KIAA1549L: variants seen among roughly 807,000 people sequenced by gnomAD.
KIAA1549L encodes the protein UPF0606 protein KIAA1549L.
A neutral mutation model predicts 160.7 loss-of-function variants in KIAA1549L; 88 were observed. That is an observed-to-expected ratio of 0.55 (90% CI 0.46 to 0.65). The LOEUF (loss-of-function observed/expected upper bound fraction) is 0.65. KIAA1549L is among the 30% of genes least tolerant of loss of function. The pLI, the probability that KIAA1549L is intolerant of heterozygous loss-of-function variation, is 0.00. For synonymous variants in KIAA1549L, 950 were observed against 976.7 expected, an observed-to-expected ratio of 0.97 and a Z score of 0.51; for missense variants, 2,258 against 2,437.5, an observed-to-expected ratio of 0.93 and a Z score of 1.55.
chr11:33,651,550 A>G (rs1851885708), intron 17 of KIAA1549L, among the ~76,000 whole-genome samples: 1 of 152,100 alleles, frequency 6.6e-6, no homozygotes, highest in Non-Finnish European at 1.5e-5. Context: ...TGGAGGAAAA[A>G]TGACTACGAT....
intron 14 of KIAA1549L, among the ~76,000 whole-genome samples, chr11:33,609,351 A>T (rs952535490): frequency 6.6e-6 from 1 of 152,262 alleles, no homozygotes; most frequent in African/African-American, 2.4e-5. Context: ...AGCGAAGGCC[A>T]CTGGGTTCCC....
intron 1 of KIAA1549L, among the ~76,000 whole-genome samples, chr11:33,429,125 C>G (rs1185426796): frequency 1.3e-5 from 2 of 152,186 alleles, no homozygotes; most frequent in African/African-American, 4.8e-5. Context: ...GCACCCACCA[C>G]TACCCGCTGC....
At chr11:33,551,293 T>C (rs117186039) in intron 5 of KIAA1549L, 34 bp downstream of exon 5, 347 of 1,579,462 alleles carry the variant, frequency 2.2e-4, no homozygotes, top group Non-Finnish European at 2.9e-4. Context: ...TTTTCATCCA[T>C]TCTTGGGTTC....
At chr11:33,602,833 G>A (rs902864090) in intron 13 of KIAA1549L, among the ~76,000 whole-genome samples, 2 of 152,164 alleles carry the variant, frequency 1.3e-5, no homozygotes, top group Non-Finnish European at 2.9e-5. Context: ...TTAGGGGAAG[G>A]ATAACTAATT....
intron 1 of KIAA1549L, among the ~76,000 whole-genome samples, chr11:33,481,938 GCCT>G (rs1239874392): frequency 6.6e-6 from 1 of 152,148 alleles, no homozygotes; most frequent in Non-Finnish European, 1.5e-5. Context: ...TTCTCCTTCT[GCCT>G]CCTCTTTCTC....
chr11:33,495,814 C>T (rs1374510144), intron 1 of KIAA1549L, among the ~76,000 whole-genome samples: 2 of 151,698 alleles, frequency 1.3e-5, no homozygotes, highest in Non-Finnish European at 2.9e-5. Context: ...TTAATGATTG[C>T]CATTCTAACT....
At chr11:33,441,509 T>C (rs1264701444) in intron 1 of KIAA1549L, among the ~76,000 whole-genome samples, 14 of 151,388 alleles carry the variant, frequency 9.2e-5, no homozygotes, top group Admixed American at 9.2e-4. Context: ...ACTTCCACAA[T>C]GGTTGAACTA....
chr11:33,493,306 C>A (rs574123382), intron 1 of KIAA1549L, among the ~76,000 whole-genome samples: 13 of 152,310 alleles, frequency 8.5e-5, no homozygotes, highest in Admixed American at 2.6e-4. Context: ...TCTCTTGCCC[C>A]CTTCTTCCAT....
chr11:33,598,998 C>G, intron 13 of KIAA1549L, 51 bp downstream of exon 13: 1 of 1,603,140 alleles, frequency 6.2e-7, no homozygotes, highest in Non-Finnish European at 8.5e-7. Context: ...CACGCGTGCC[C>G]GCACACACAT....
chr11:33,451,911 T>G (rs541962159), intron 1 of KIAA1549L, among the ~76,000 whole-genome samples: 85 of 152,292 alleles, frequency 5.6e-4, no homozygotes, highest in African/African-American at 1.9e-3. Context: ...TGCTTACATA[T>G]AGTCACCTCA....
intron 1 of KIAA1549L, among the ~76,000 whole-genome samples, chr11:33,410,300 T>C (rs1295494350): frequency 6.6e-6 from 1 of 152,188 alleles, no homozygotes; most frequent in Non-Finnish European, 1.5e-5. Flanking sequence ...CTTAACTGCA[T>C]TGTTAGTGTA....
chr11:33,551,895 C>T (rs894998575), intron 5 of KIAA1549L, among the ~76,000 whole-genome samples: 13 of 152,298 alleles, frequency 8.5e-5, no homozygotes, highest in African/African-American at 2.9e-4. Flanking sequence ...TGGAGGGAAT[C>T]TCTGGTTCGA....
intron 16 of KIAA1549L, among the ~76,000 whole-genome samples, chr11:33,644,112 A>C (rs767226306): frequency 3.5e-4 from 53 of 152,338 alleles, no homozygotes; most frequent in Non-Finnish European, 2.1e-4. Flanking sequence ...TATTAGTATA[A>C]AAATATTACA....
At chr11:33,659,120 G>A (rs1209738462) in intron 19 of KIAA1549L, among the ~76,000 whole-genome samples, 1 of 152,104 alleles carries the variant, frequency 6.6e-6, no homozygotes, top group East Asian at 1.9e-4. Context: ...TTATGCTAAA[G>A]TCAGCATGTA....
chr11:33,544,720 C>T (rs756099694), intron 2 of KIAA1549L, 47 bp from the exon 3 acceptor site: 34 of 1,541,108 alleles, frequency 2.2e-5, no homozygotes, highest in South Asian at 2.6e-5. Context: ...ACAAGTGACA[C>T]GTGCATTCCA....
At chr11:33,642,572 AAG>A (rs1851615043) in intron 16 of KIAA1549L, among the ~76,000 whole-genome samples, 1 of 137,866 alleles carries the variant, frequency 7.3e-6, no homozygotes, top group Non-Finnish European at 1.5e-5. Flanking sequence ...GGCTGATTTA[AAG>A]AGAGTGACGG....
chr11:33,613,441 G>T (rs1850699350), intron 15 of KIAA1549L, among the ~76,000 whole-genome samples: 2 of 152,154 alleles, frequency 1.3e-5, no homozygotes, highest in African/African-American at 4.8e-5. Context: ...AAGAAAAGAG[G>T]TTTAATTGGC....
chr11:33,531,819 C>T (rs1055285578), intron 1 of KIAA1549L, among the ~76,000 whole-genome samples: 16 of 152,146 alleles, frequency 1.1e-4, no homozygotes, highest in African/African-American at 3.9e-4. Flanking sequence ...TTCAGCATAG[C>T]TGTGGCTCTT....
intron 12 of KIAA1549L, among the ~76,000 whole-genome samples, chr11:33,594,483 A>T (rs1220107234): frequency 6.6e-6 from 1 of 152,104 alleles, no homozygotes; most frequent in Non-Finnish European, 1.5e-5. Context: ...TATCAGGAAT[A>T]CCCCAGGTAG....
Sources: allele counts gnomAD v4.1 joint callset (sites outside exome capture counted in the v4.1 genomes callset), GRCh38; gene constraint gnomAD v4.1.1; transcripts MANE v1.5; gene names NCBI Gene and HGNC (gene_info 2026-07-23, HGNC 2026-07-21).